PRIMA1: variants seen among roughly 807,000 people sequenced by gnomAD.
PRIMA1 encodes the protein proline rich membrane anchor 1, also known as proline-rich membrane anchor 1.
A neutral mutation model predicts 17.5 loss-of-function variants in PRIMA1; 7 were observed. The observed-to-expected ratio is 0.40, with a 90% CI of 0.23 to 0.75. The LOEUF is 0.75. Ranked by LOEUF, PRIMA1 falls within the 30% of genes least tolerant of loss-of-function variation. The pLI is 0.37. For synonymous variants in PRIMA1, 97 were observed against 77.9 expected, an observed-to-expected ratio of 1.25 and a Z score of -1.29; for missense variants, 200 against 201.8, an observed-to-expected ratio of 0.99 and a Z score of 0.05.
At chr14:93,741,784 G>A (rs1328415661) in intron 3 of PRIMA1, among the ~76,000 whole-genome samples, 1 of 152,142 alleles carries the variant, frequency 6.6e-6, no homozygotes, top group Non-Finnish European at 1.5e-5. Context: ...CCAAGTTCCA[G>A]GACTGAGGCT....
intron 3 of PRIMA1, among the ~76,000 whole-genome samples, chr14:93,773,440 G>A (rs1021557316): frequency 2.6e-5 from 4 of 152,202 alleles, no homozygotes; most frequent in Admixed American, 6.5e-5. Context: ...GGAGGTCCTC[G>A]GGCCCCACCC....
At chr14:93,766,214 T>G (rs1884890238) in intron 3 of PRIMA1, among the ~76,000 whole-genome samples, 1 of 152,186 alleles carries the variant, frequency 6.6e-6, no homozygotes, top group African/African-American at 2.4e-5. Context: ...GAACATGTCC[T>G]CAAAGCACCC....
At chr14:93,788,504 C>A (rs963586907), upstream of PRIMA1, 4 of 152,350 alleles carry the variant, frequency 2.6e-5, no homozygotes, top group African/African-American at 9.6e-5. Context: ...CCGGACAGCC[C>A]CCATTTAAAG....
intron 4 of PRIMA1, among the ~76,000 whole-genome samples, chr14:93,722,675 A>G (rs2076048209): frequency 6.8e-5 from 10 of 147,918 alleles, no homozygotes; most frequent in South Asian, 4.4e-4. Flanking sequence ...GGTAATGATG[A>G]TGGGGTGATG....
chr14:93,767,762 C>A (rs965027698), intron 3 of PRIMA1, among the ~76,000 whole-genome samples: 4 of 152,194 alleles, frequency 2.6e-5, no homozygotes, highest in East Asian at 1.9e-4. Context: ...CACACCCCCC[C>A]TCTCCATTCT....
At chr14:93,723,883 C>CATT (rs771812472) in intron 4 of PRIMA1, among the ~76,000 whole-genome samples, 62 of 152,250 alleles carry the variant, frequency 4.1e-4, no homozygotes, top group Non-Finnish European at 8.2e-4. Flanking sequence ...TCTATCTTCC[C>CATT]ATTATTATTA....
chr14:93,787,743 G>A lies in PRIMA1; in HGVS notation c.-25C>T. Reference sequence around the variant, plus strand: ...TCTCGGCCAGCGGCGCCCGCTCCTGGGGCGAACTGTCAGGAGAGCAAGGCT... The same window carrying A: ...TCTCGGCCAGCGGCGCCCGCTCCTGAGGCGAACTGTCAGGAGAGCAAGGCT... On this transcript the variant is annotated 5_prime_UTR_variant, in exon 2 of 5. Transcript: ENST00000393140. 1 of 1,540,604 alleles carries A rather than the reference G, an allele frequency of 6.5e-7. No individual in the cohort carries two copies. The highest frequency in any genetic ancestry group is 1.2e-5 in the South Asian group (1 of 83,860).
At chr14:93,729,067 C>A (rs1231052468) in intron 4 of PRIMA1, among the ~76,000 whole-genome samples, 2 of 152,172 alleles carry the variant, frequency 1.3e-5, no homozygotes, top group African/African-American at 4.8e-5. Context: ...TCCAAAGAGC[C>A]AAGCCCCAGA....
At chr14:93,770,362 T>A (rs1885023015) in intron 3 of PRIMA1, among the ~76,000 whole-genome samples, 1 of 152,238 alleles carries the variant, frequency 6.6e-6, no homozygotes, top group Non-Finnish European at 1.5e-5. Context: ...TTCTCTAGCC[T>A]CCACGGCCCT....
rs114899671 is a variant in PRIMA1 at position 93,741,966 on chromosome 14, C to T, written c.230-4596G>A. 8.2e-3 allele frequency among the ~76,000 whole-genome samples: 1,254 copies of T among 152,274 alleles called. 16 individuals carry two copies. The highest frequency in any genetic ancestry group is 0.028 in the African/African-American group (1,164 of 41,544). On this transcript the variant is annotated intron_variant, in intron 3 of 4. Transcript: ENST00000393140. Reference sequence around the variant, plus strand: ...TTAACACTCCTGACGCCTGTAAAGACGATGAAGCTGGCAACCAGAGAGAGC... The same window carrying T: ...TTAACACTCCTGACGCCTGTAAAGATGATGAAGCTGGCAACCAGAGAGAGC...
intron 2 of PRIMA1, among the ~76,000 whole-genome samples, chr14:93,784,545 T>C (rs1434351732): frequency 6.6e-6 from 1 of 152,204 alleles, no homozygotes; most frequent in Non-Finnish European, 1.5e-5. Flanking sequence ...ATGACATCCA[T>C]AGCCCTCAGG....
chr14:93,733,746 C>T (rs1327810034), intron 4 of PRIMA1, among the ~76,000 whole-genome samples: 5 of 152,152 alleles, frequency 3.3e-5, no homozygotes, highest in Non-Finnish European at 5.9e-5. Flanking sequence ...ACTTTTGTTT[C>T]CTGAGAGAAA....
At chr14:93,750,784 AC>A (rs1410815873) in intron 3 of PRIMA1, among the ~76,000 whole-genome samples, 1 of 152,190 alleles carries the variant, frequency 6.6e-6, no homozygotes, top group African/African-American at 2.4e-5. Flanking sequence ...CAAGTAAACA[AC>A]CCACTCCTTC....
rs548733317 is a variant in PRIMA1 at position 93,782,458 on chromosome 14, A to ATT, written c.94-3149_94-3148dup. Among the ~76,000 whole-genome samples the ATT allele has an allele frequency of 4.4e-3, 656 of 149,222 alleles. 4 individuals carry two copies. Among genetic ancestry groups the ATT allele is most frequent in the African/African-American group, 0.016 (635 of 40,680 alleles). ...ATAGAGTGAGACCTCATCTCTACAA[A>ATT]TTTTTTTTTTTAATTAGCTGGGCAT... On this transcript the variant is annotated intron_variant, in intron 2 of 4. Coordinates refer to ENST00000393140, the MANE Select transcript of PRIMA1 (RefSeq NM_178013.4).
At chr14:93,741,802 C>T (rs1212234123) in intron 3 of PRIMA1, among the ~76,000 whole-genome samples, 1 of 152,112 alleles carries the variant, frequency 6.6e-6, no homozygotes, top group Non-Finnish European at 1.5e-5. Flanking sequence ...GCTACCTGGG[C>T]TCTCTGCCTC....
intron 3 of PRIMA1, among the ~76,000 whole-genome samples, chr14:93,758,858 C>A (rs913807214): frequency 2.0e-5 from 3 of 152,064 alleles, no homozygotes; most frequent in Admixed American, 6.5e-5. Context: ...CCTCCAGAGG[C>A]CTGCATGTTG....
intron 3 of PRIMA1, among the ~76,000 whole-genome samples, chr14:93,778,854 G>A (rs1214803005): frequency 6.6e-6 from 1 of 152,080 alleles, no homozygotes; most frequent in Non-Finnish European, 1.5e-5. Context: ...TGGGGGAGGG[G>A]GGCTATTTAA....
At chr14:93,756,523 C>T (rs1372499770) in intron 3 of PRIMA1, among the ~76,000 whole-genome samples, 5 of 152,202 alleles carry the variant, frequency 3.3e-5, no homozygotes, top group Non-Finnish European at 7.4e-5. Flanking sequence ...TCCTATAGCT[C>T]CTGGCCCCGG....
At chr14:93,781,649 A>G (rs992052313) in intron 2 of PRIMA1, among the ~76,000 whole-genome samples, 10 of 152,212 alleles carry the variant, frequency 6.6e-5, no homozygotes, top group Non-Finnish European at 1.3e-4. Context: ...ATCAGGGCCA[A>G]ATTTCAAGGC....
Sources: gnomAD v4.1 joint callset for allele counts (sites outside exome capture counted in the v4.1 genomes callset) on GRCh38, gnomAD v4.1.1 for gene constraint, MANE v1.5 for transcripts, NCBI Gene and HGNC (gene_info 2026-07-23, HGNC 2026-07-21) for gene names.